TRPS1: variants seen among roughly 807,000 people sequenced by gnomAD.
TRPS1 encodes transcriptional repressor GATA binding 1, also known as zinc finger transcription factor Trps1.
In TRPS1, 6 loss-of-function variants were observed where a neutral mutation model predicts 101.2. The observed-to-expected ratio is 0.06, with a 90% CI of 0.03 to 0.12. TRPS1 has a LOEUF of 0.12. Ranked by LOEUF, TRPS1 falls within the 10% of genes least tolerant of loss-of-function variation. The pLI is 1.00. For missense variants in TRPS1, 1,363 were observed against 1,567.0 expected (o/e 0.87, Z 2.20); for synonymous variants, 578 against 589.8 (o/e 0.98, Z 0.29).
At chr8:115,499,614 A>G (rs1307080169) in intron 5 of TRPS1, among the ~76,000 whole-genome samples, 1 of 152,252 alleles carries the variant, frequency 6.6e-6, no homozygotes, top group African/African-American at 2.4e-5. Context: ...TTAGAGCCCT[A>G]ATCAGAACCA....
intron 5 of TRPS1, among the ~76,000 whole-genome samples, chr8:115,457,175 T>C (rs560050084): frequency 1.3e-5 from 2 of 152,218 alleles, no homozygotes; most frequent in South Asian, 2.1e-4. Context: ...TAAAAAGAAG[T>C]GGTTAATTTA....
At chr8:115,563,623 G>A (rs568846918) in intron 5 of TRPS1, among the ~76,000 whole-genome samples, 1 of 152,172 alleles carries the variant, frequency 6.6e-6, no homozygotes, top group South Asian at 2.1e-4. Flanking sequence ...TGACTTCAAA[G>A]TGACCACACA....
At chr8:115,455,508 G>GACTC (rs1173595679) in intron 5 of TRPS1, among the ~76,000 whole-genome samples, 3 of 152,160 alleles carry the variant, frequency 2.0e-5, no homozygotes, top group Non-Finnish European at 4.4e-5. Context: ...TAAGGATTTA[G>GACTC]ACTCATGCAC....
At chr8:115,557,165 A>C (rs1000009176) in intron 5 of TRPS1, among the ~76,000 whole-genome samples, 3 of 152,076 alleles carry the variant, frequency 2.0e-5, no homozygotes, top group Non-Finnish European at 4.4e-5. Context: ...TCATGAGAAC[A>C]CCATGGGAAA....
intron 4 of TRPS1, among the ~76,000 whole-genome samples, chr8:115,587,875 G>C (rs530765396): frequency 2.0e-5 from 3 of 152,252 alleles, no homozygotes; most frequent in Admixed American, 2.0e-4. Flanking sequence ...ACGCACGCAC[G>C]CACGCTGCTC....
At chr8:115,461,071 T>C (rs1329251217) in intron 5 of TRPS1, among the ~76,000 whole-genome samples, 2 of 152,126 alleles carry the variant, frequency 1.3e-5, no homozygotes, top group Non-Finnish European at 2.9e-5. Flanking sequence ...GGTTAACAAG[T>C]AGTCTGGCAG....
intron 5 of TRPS1, among the ~76,000 whole-genome samples, chr8:115,477,380 C>T (rs151223518): frequency 6.6e-6 from 1 of 152,220 alleles, no homozygotes; most frequent in Non-Finnish European, 1.5e-5. Context: ...TAGCTCTGGA[C>T]TAGCAGGGTT....
chr8:115,557,814 T>C (rs1053038625), intron 5 of TRPS1, among the ~76,000 whole-genome samples: 1 of 152,178 alleles, frequency 6.6e-6, no homozygotes, highest in Non-Finnish European at 1.5e-5. Flanking sequence ...CAAATGCTGT[T>C]ACAATTTCCC....
intron 1 of TRPS1, among the ~76,000 whole-genome samples, chr8:115,663,105 C>T (rs1586507482): frequency 6.6e-6 from 1 of 152,222 alleles, no homozygotes; most frequent in South Asian, 2.1e-4. Flanking sequence ...ACCTGAAATG[C>T]ACCAGCCATC....
chr8:115,427,906 T>TA (rs1048094851), intron 5 of TRPS1, among the ~76,000 whole-genome samples: 4 of 151,842 alleles, frequency 2.6e-5, no homozygotes, highest in East Asian at 1.9e-4. Flanking sequence ...TCAAAAAAAA[T>TA]AAAAAAAGTA....
chr8:115,457,842 A>G (rs1028442748), intron 5 of TRPS1, among the ~76,000 whole-genome samples: 1 of 152,210 alleles, frequency 6.6e-6, no homozygotes, highest in Non-Finnish European at 1.5e-5. Context: ...GCTGACTGGC[A>G]CAGCAAGAAA....
chr8:115,522,774 T>C (rs912091636), intron 5 of TRPS1, among the ~76,000 whole-genome samples: 2 of 152,140 alleles, frequency 1.3e-5, no homozygotes, highest in Non-Finnish European at 2.9e-5. Context: ...TCTTACAGCA[T>C]TTACTCTGTT....
At position 115,604,368 on chromosome 8, in the gene TRPS1, G is replaced by A. The variant is rs371058224; in HGVS notation, c.1601C>T (p.Thr534Met). Residue 534 changes from threonine (T) to methionine (M), a missense_variant, in exon 4 of 7, where the codon ACG becomes ATG. This residue lies in a region of TRPS1 where 1,020 missense variants were observed against 1,073.0 expected (regional missense o/e 0.95). Transcript: ENST00000395715. This position sits in a 1 kb window ranked among gnomAD's most constrained non-coding sequence, Gnocchi z 4.1. ...GTCACAGAACTGACAATTATAGCTC[G>A]TTACCATATTATCCTCGGCTCCCTT... The part of the protein sequence containing the change: ...SSKGAEDNMV[T>M]SYNCQFCDFR... 9 of 1,613,982 alleles carry A rather than the reference G, an allele frequency of 5.6e-6. No individual in the cohort carries two copies. The highest frequency in any genetic ancestry group is 1.3e-5 in the African/African-American group (1 of 74,970).
chr8:115,478,948 T>C (rs1814683048), intron 5 of TRPS1, among the ~76,000 whole-genome samples: 1 of 149,150 alleles, frequency 6.7e-6, no homozygotes, highest in Non-Finnish European at 1.5e-5. Context: ...TATATAAATG[T>C]ATACATGTAT....
At chr8:115,495,748 A>G (rs2130121093) in intron 5 of TRPS1, among the ~76,000 whole-genome samples, 1 of 152,250 alleles carries the variant, frequency 6.6e-6, no homozygotes, top group African/African-American at 2.4e-5. Flanking sequence ...CTAAAAGGCC[A>G]TAGGAAAACA....
At chr8:115,543,594 A>G (rs1816503490) in intron 5 of TRPS1, among the ~76,000 whole-genome samples, 1 of 129,406 alleles carries the variant, frequency 7.7e-6, no homozygotes, top group African/African-American at 3.0e-5. Context: ...ACTCTTTAGC[A>G]AATTGAAAAA....
At chr8:115,490,735 G>C (rs985113842) in intron 5 of TRPS1, among the ~76,000 whole-genome samples, 1 of 152,088 alleles carries the variant, frequency 6.6e-6, no homozygotes, top group African/African-American at 2.4e-5. Flanking sequence ...ATTTGAAACA[G>C]TGATTATCTT....
chr8:115,527,918 AT>A (rs1355045652), intron 5 of TRPS1, among the ~76,000 whole-genome samples: 1 of 152,106 alleles, frequency 6.6e-6, no homozygotes, highest in African/African-American at 2.4e-5. Flanking sequence ...TTTCTAACAC[AT>A]TACCAGGAAA....
rs1209324275 is a variant in TRPS1 at position 115,603,863 on chromosome 8, C to A, written c.2096+10G>T. The A allele has an allele frequency of 3.1e-6, 5 of 1,613,908 alleles. No homozygotes were observed. The highest frequency in any genetic ancestry group is 1.7e-5 in the Admixed American group (1 of 59,972). Reference sequence around the variant, plus strand: ...GTATATTCCTCCCGACCCCACCCCCCATGCCTCACCTGTAGTGTCGGGAAA... The same window carrying A: ...GTATATTCCTCCCGACCCCACCCCCAATGCCTCACCTGTAGTGTCGGGAAA... On this transcript the variant is annotated intron_variant, in intron 4 of 6. Transcript: ENST00000395715.
Sources: gnomAD v4.1 joint callset for allele counts (sites outside exome capture counted in the v4.1 genomes callset) on GRCh38, gnomAD v4.1.1 for gene constraint, gnomAD v4.1.1 regional missense constraint, Gnocchi (gnomAD v3.1) non-coding constraint, MANE v1.5 for transcripts, NCBI Gene and HGNC (gene_info 2026-07-23, HGNC 2026-07-21) for gene names.